RABGAP1L: variants seen among roughly 807,000 people sequenced by gnomAD.
RABGAP1L encodes RAB GTPase activating protein 1 like, also known as rab GTPase-activating protein 1-like.
RABGAP1L carries 63 observed loss-of-function variants against 137.7 expected under a neutral mutation model. The ratio of observed to expected loss-of-function variants is 0.46; its 90% CI spans 0.37 to 0.56. The LOEUF (loss-of-function observed/expected upper bound fraction) is 0.56. Ranked by LOEUF, RABGAP1L falls within the 20% of genes least tolerant of loss-of-function variation. The probability of loss-of-function intolerance (pLI) is 0.00; values close to 1 mark genes in which losing one functional copy is unlikely to be tolerated. For missense variants in RABGAP1L, 1,095 were observed against 1,244.0 expected, an observed-to-expected ratio of 0.88 and a Z score of 1.80; for synonymous variants, 431 against 433.7, an observed-to-expected ratio of 0.99 and a Z score of 0.08.
chr1:174,746,288 C>A (rs1448180734), intron 17 of RABGAP1L, among the ~76,000 whole-genome samples: 6 of 152,128 alleles, frequency 3.9e-5, no homozygotes, highest in Admixed American at 2.6e-4. Flanking sequence ...TTCTTTAAAG[C>A]AAAGATGATG....
At chr1:174,500,041 G>A (rs1661112121) in intron 13 of RABGAP1L, among the ~76,000 whole-genome samples, 1 of 150,964 alleles carries the variant, frequency 6.6e-6, no homozygotes, top group South Asian at 2.1e-4. Flanking sequence ...GAGTAGTGAA[G>A]TGATTTACCC....
At chr1:174,741,803 T>A (rs1683428328) in intron 17 of RABGAP1L, among the ~76,000 whole-genome samples, 1 of 139,618 alleles carries the variant, frequency 7.2e-6, no homozygotes, top group African/African-American at 2.9e-5. Flanking sequence ...ATTTTTTTTT[T>A]AAGTGGGGAG....
chr1:174,256,347 C>T (rs575616518), intron 7 of RABGAP1L, among the ~76,000 whole-genome samples: 31 of 152,086 alleles, frequency 2.0e-4, no homozygotes, highest in Non-Finnish European at 4.0e-4. Context: ...AGGCAGATGG[C>T]TATCACAGAG....
intron 13 of RABGAP1L, among the ~76,000 whole-genome samples, chr1:174,488,344 A>G (rs931335440): frequency 2.0e-5 from 3 of 151,616 alleles, no homozygotes; most frequent in South Asian, 2.1e-4. Context: ...AGCAGTTTAC[A>G]TATGTCATGC....
intron 19 of RABGAP1L, among the ~76,000 whole-genome samples, chr1:174,821,512 G>A (rs1476169518): frequency 6.6e-6 from 1 of 152,088 alleles, no homozygotes; most frequent in Admixed American, 6.5e-5. Context: ...ATGAGACAGT[G>A]GTAGATTCCT....
chr1:174,410,242 T>C (rs1649765976), intron 13 of RABGAP1L, among the ~76,000 whole-genome samples: 1 of 152,188 alleles, frequency 6.6e-6, no homozygotes, highest in African/African-American at 2.4e-5. Context: ...AAATAGGACT[T>C]ACGTTGAAAT....
chr1:174,808,920 G>A (rs901097862), intron 18 of RABGAP1L, among the ~76,000 whole-genome samples: 5 of 152,058 alleles, frequency 3.3e-5, no homozygotes, highest in African/African-American at 1.2e-4. Flanking sequence ...GCCTCCCAAA[G>A]TACTGGGAAT....
chr1:174,474,012 G>C (rs536385298), intron 13 of RABGAP1L, among the ~76,000 whole-genome samples: 25 of 152,178 alleles, frequency 1.6e-4, no homozygotes, highest in South Asian at 8.3e-4. Context: ...TATAAACATA[G>C]TGCTTATCAT....
At chr1:174,893,788 A>C (rs536484265) in intron 19 of RABGAP1L, among the ~76,000 whole-genome samples, 3 of 152,222 alleles carry the variant, frequency 2.0e-5, no homozygotes, top group Non-Finnish European at 4.4e-5. Context: ...CTCTTCTGGA[A>C]GAATCCTAAT....
At chr1:174,295,461 G>A (rs544423465) in intron 10 of RABGAP1L, among the ~76,000 whole-genome samples, 69 of 151,930 alleles carry the variant, frequency 4.5e-4, no homozygotes, top group Non-Finnish European at 6.2e-4. Context: ...TCAGCTCACC[G>A]CAACCTCCTC....
chr1:174,900,541 C>G (rs1221030836), intron 19 of RABGAP1L, among the ~76,000 whole-genome samples: 1 of 152,156 alleles, frequency 6.6e-6, no homozygotes, highest in East Asian at 1.9e-4. Context: ...ATTCACATTC[C>G]TGTCATTACT....
intron 13 of RABGAP1L, among the ~76,000 whole-genome samples, chr1:174,399,805 G>T (rs777558848): frequency 6.6e-6 from 1 of 152,108 alleles, no homozygotes; most frequent in Non-Finnish European, 1.5e-5. Flanking sequence ...ATCAGATCTC[G>T]TGGGAACTCA....
chr1:174,801,773 AGTTTTGTTTT>A (rs56317866), intron 18 of RABGAP1L, among the ~76,000 whole-genome samples: 74,938 of 151,380 alleles, frequency 0.5, 21,022 homozygotes, highest in East Asian at 0.71. Context: ...TTTAGAAAGG[AGTTTTGTTTT>A]GTTTTGTTTT....
intron 7 of RABGAP1L, among the ~76,000 whole-genome samples, chr1:174,259,965 G>A (rs760208368): frequency 2.6e-5 from 4 of 151,904 alleles, no homozygotes; most frequent in Non-Finnish European, 5.9e-5. Context: ...CTCCTGAGTA[G>A]CTGGGACTAT....
intron 19 of RABGAP1L, among the ~76,000 whole-genome samples, chr1:174,837,500 C>T (rs1433776517): frequency 6.6e-6 from 1 of 152,172 alleles, no homozygotes; most frequent in African/African-American, 2.4e-5. Context: ...ATCTCACACA[C>T]AGGGACAGGT....
intron 13 of RABGAP1L, among the ~76,000 whole-genome samples, chr1:174,418,026 G>C (rs1203295745): frequency 1.3e-5 from 2 of 152,108 alleles, no homozygotes; most frequent in Non-Finnish European, 2.9e-5. Flanking sequence ...TACTTCCACA[G>C]ACTAAACACT....
At chr1:174,229,995 A>G (rs1350037550) in intron 3 of RABGAP1L, among the ~76,000 whole-genome samples, 1 of 152,134 alleles carries the variant, frequency 6.6e-6, no homozygotes, top group East Asian at 1.9e-4. Flanking sequence ...TGTGGAACCA[A>G]CCCAAATGTC....
chr1:174,511,280 C>A (rs777536830), intron 13 of RABGAP1L, among the ~76,000 whole-genome samples: 7 of 152,116 alleles, frequency 4.6e-5, no homozygotes, highest in Non-Finnish European at 8.8e-5. Context: ...TCTTTACCAA[C>A]CAAACACTTA....
chr1:174,260,338 T>C (rs1270642892), intron 7 of RABGAP1L, among the ~76,000 whole-genome samples: 6 of 152,224 alleles, frequency 3.9e-5, no homozygotes. Context: ...ATTGGTATTC[T>C]TTGGTATCTT....
Sources: gnomAD v4.1 joint callset for allele counts (sites outside exome capture counted in the v4.1 genomes callset) on GRCh38, gnomAD v4.1.1 for gene constraint, MANE v1.5 for transcripts, NCBI Gene and HGNC (gene_info 2026-07-23, HGNC 2026-07-21) for gene names.